The following ITK variants were observed in gnomAD, a reference collection of about 807,000 sequenced individuals.
The protein encoded by ITK is tyrosine-protein kinase ITK/TSK.
In ITK, 45 loss-of-function variants were observed where a neutral mutation model predicts 87.6. The observed-to-expected ratio is 0.51, with a 90% CI of 0.40 to 0.66. The LOEUF (loss-of-function observed/expected upper bound fraction) is 0.66. ITK is among the 30% of genes least tolerant of loss of function. The pLI, the probability that ITK is intolerant of heterozygous loss-of-function variation, is 0.00. For missense variants in ITK, 605 were observed against 766.3 expected, an observed-to-expected ratio of 0.79 and a Z score of 2.48; for synonymous variants, 303 against 273.6, an observed-to-expected ratio of 1.11 and a Z score of -1.06.
intron 1 of ITK, among the ~76,000 whole-genome samples, chr5:157,187,009 G>A (rs896940724): frequency 4.6e-5 from 7 of 152,160 alleles, no homozygotes; most frequent in African/African-American, 1.4e-4. Context: ...ACATGGTCTC[G>A]TCTGTCTCAG....
At chr5:157,242,613 T>C (rs181973523) in intron 11 of ITK, among the ~76,000 whole-genome samples, 26 of 152,254 alleles carry the variant, frequency 1.7e-4, no homozygotes, top group Non-Finnish European at 3.4e-4. Flanking sequence ...GTAGCTACTA[T>C]GCCTGGCTAA....
At chr5:157,212,873 G>T (rs1219877198) in intron 3 of ITK, among the ~76,000 whole-genome samples, 1 of 145,128 alleles carries the variant, frequency 6.9e-6, no homozygotes, top group Non-Finnish European at 1.5e-5. Flanking sequence ...GAAAAAAAAG[G>T]AATCAAAAGG....
chr5:157,242,484 CT>C (rs961129981), intron 11 of ITK, among the ~76,000 whole-genome samples: 64 of 152,112 alleles, frequency 4.2e-4, no homozygotes, highest in African/African-American at 1.3e-3. Context: ...CTGGAGTCTA[CT>C]TTTTTTTCTG....
chr5:157,222,953 G>C lies in ITK; in HGVS notation c.586G>C (p.Glu196Gln), dbSNP rs777670016. The C allele has an allele frequency of 4.4e-5, 71 of 1,613,998 alleles. No individual in the cohort carries two copies. Among genetic ancestry groups the C allele is most frequent in the Non-Finnish European group, 5.9e-5 (70 of 1,180,036 alleles). ...DPQELALRRN[E>Q]EYCLLDSSEI... ...TCAGGAACTCGCACTGCGGCGCAAC[G>C]AAGAGTACTGCCTGCTGGACAGTTC... Residue 196 changes from glutamate (E) to glutamine (Q), a missense_variant, in exon 6 of 17, where the codon GAA (glutamate) becomes CAA (glutamine). Coordinates refer to ENST00000422843, the MANE Select transcript of ITK (RefSeq NM_005546.4).
intron 3 of ITK, among the ~76,000 whole-genome samples, chr5:157,212,106 A>T (rs1218444843): frequency 6.6e-6 from 1 of 152,108 alleles, no homozygotes; most frequent in African/African-American, 2.4e-5. Context: ...TTAGCATGTG[A>T]CCCTGGGTAA....
intron 16 of ITK, among the ~76,000 whole-genome samples, chr5:157,250,984 C>T (rs1755129919): frequency 6.6e-6 from 1 of 152,190 alleles, no homozygotes; most frequent in Admixed American, 6.5e-5. Context: ...AATACAGCTG[C>T]TATAAATGTT....
intron 1 of ITK, among the ~76,000 whole-genome samples, chr5:157,186,343 T>A (rs1341779088): frequency 6.6e-6 from 1 of 150,520 alleles, no homozygotes; most frequent in Non-Finnish European, 1.5e-5. Context: ...TTTATTCACT[T>A]CAAGAAGCCC....
chr5:157,204,984 G>T (rs1754051616), intron 1 of ITK, among the ~76,000 whole-genome samples: 1 of 152,186 alleles, frequency 6.6e-6, no homozygotes, highest in Admixed American at 6.5e-5. Flanking sequence ...AAAACAGGAA[G>T]TAAAGACTGA....
At chr5:157,189,881 T>C (rs748995334) in intron 1 of ITK, among the ~76,000 whole-genome samples, 12 of 152,200 alleles carry the variant, frequency 7.9e-5, no homozygotes, top group Non-Finnish European at 1.8e-4. Context: ...ATTCCTCCCA[T>C]TCATCAGTGA....
At chr5:157,233,964 T>TATATATATATC (rs1491125187) in intron 8 of ITK, among the ~76,000 whole-genome samples, 1 of 16,910 alleles carries the variant, frequency 5.9e-5, no homozygotes, top group Non-Finnish European at 1.1e-4. Flanking sequence ...TATATATATA[T>TATATATATATC]TTTTTTTTTT....
At chr5:157,234,592 T>C (rs189773687) in intron 8 of ITK, among the ~76,000 whole-genome samples, 2 of 152,288 alleles carry the variant, frequency 1.3e-5, no homozygotes, top group East Asian at 3.9e-4. Flanking sequence ...GAATTTGGGT[T>C]GGTAAAAGGA....
chr5:157,254,100 A>G lies in ITK; in HGVS notation c.*1422A>G, dbSNP rs947658655. 5 of 227,632 alleles carry G rather than the reference A, an allele frequency of 2.2e-5. No individual in the cohort carries two copies. The highest frequency in any genetic ancestry group is 1.3e-3 in the Middle Eastern group (1 of 780). 14.1% of individuals were successfully genotyped at this position (227,632 alleles called of 1,614,324 possible). A position where few individuals can be genotyped will look rare whatever the true frequency, so the allele number is the denominator to read the frequency against. ...CGCAATACACAGATTCTTTATTCCT[A>G]TTCGACACTGGCTTCTACTGAAAAT... is the stretch of plus-strand genomic sequence containing the variant. On this transcript the variant is annotated 3_prime_UTR_variant, in exon 17 of 17. Transcript: ENST00000422843.
At chr5:157,206,803 T>C (rs761966724) in intron 1 of ITK, among the ~76,000 whole-genome samples, 9 of 152,188 alleles carry the variant, frequency 5.9e-5, no homozygotes, top group Admixed American at 2.0e-4. Context: ...GCTAGTGGCC[T>C]ATCTATCCTA....
intron 13 of ITK, chr5:157,244,818 T>A (rs1026289988): frequency 2.9e-6 from 1 of 344,314 alleles, no homozygotes; most frequent in African/African-American, 2.1e-5. Context: ...TATTCAAGGG[T>A]CTACCAGAAT....
intron 1 of ITK, among the ~76,000 whole-genome samples, chr5:157,206,100 T>A (rs1754074686): frequency 6.6e-6 from 1 of 151,164 alleles, no homozygotes; most frequent in African/African-American, 2.4e-5. Flanking sequence ...ACTACAGGTG[T>A]GCACCACCAT....
rs759932471 is a variant in ITK at position 157,245,928 on chromosome 5, C to T, written c.1562C>T (p.Pro521Leu). The change falls in exon 15 of 17, where the codon CCG becomes CTG. Residue 521 changes from proline (P) to leucine (L), a missense_variant. Around this residue, in one of 3 missense-constraint regions of ITK, gnomAD observed 70 missense variants for 122.5 expected, o/e 0.57. Coordinates refer to ENST00000422843, the MANE Select transcript of ITK (RefSeq NM_005546.4). The stretch of plus-strand genomic sequence containing the variant: ...ACCAGTTCCACAGGCACCAAATTCC[C>T]GGTGAAGTGGGCATCCCCAGAGGTT... ...QYTSSTGTKF[P>L]VKWASPEVFS... The T allele has an allele frequency of 1.5e-5, 24 of 1,614,038 alleles. No homozygotes were observed. The highest frequency in any genetic ancestry group is 4.0e-5 in the African/African-American group (3 of 74,930).
intron 8 of ITK, among the ~76,000 whole-genome samples, chr5:157,235,447 G>C (rs566737954): frequency 8.7e-4 from 133 of 152,280 alleles, no homozygotes; most frequent in Admixed American, 7.8e-4. Context: ...GTTATTATCA[G>C]TATTATTACT....
At chr5:157,244,558 A>T in intron 13 of ITK, 80 bp downstream of exon 13, 1 of 822,756 alleles carries the variant, frequency 1.2e-6, no homozygotes, top group South Asian at 1.4e-5. Flanking sequence ...ACGCATTAAT[A>T]AATAATACAT....
intron 7 of ITK, among the ~76,000 whole-genome samples, chr5:157,229,571 G>T (rs1340079970): frequency 6.6e-6 from 1 of 152,098 alleles, no homozygotes; most frequent in Non-Finnish European, 1.5e-5. Context: ...AAAAAAAAAT[G>T]TTAATATCAG....
Sources: gnomAD v4.1 joint callset for allele counts (sites outside exome capture counted in the v4.1 genomes callset) on GRCh38, gnomAD v4.1.1 for gene constraint, gnomAD v4.1.1 regional missense constraint, MANE v1.5 for transcripts, NCBI Gene and HGNC (gene_info 2026-07-23, HGNC 2026-07-21) for gene names.